The following SLC4A8 variants were observed in gnomAD, a reference collection of about 807,000 sequenced individuals.
SLC4A8 encodes the protein solute carrier family 4 member 8.
Under a neutral mutation model 125.0 loss-of-function variants are expected in SLC4A8, and 40 were observed. The ratio of observed to expected loss-of-function variants is 0.32; its 90% CI spans 0.25 to 0.42. The LOEUF is 0.42. Ranked by LOEUF, SLC4A8 falls within the 10% of genes least tolerant of loss-of-function variation. SLC4A8 has a pLI of 1.00. For synonymous variants in SLC4A8, 456 were observed against 476.0 expected (o/e 0.96, Z 0.55); for missense variants, 863 against 1,355.1 (o/e 0.64, Z 5.70).
intron 1 of SLC4A8, among the ~76,000 whole-genome samples, chr12:51,427,652 C>T (rs187980886): frequency 2.0e-4 from 30 of 152,252 alleles, no homozygotes; most frequent in African/African-American, 7.0e-4. Flanking sequence ...CCAATTAAAC[C>T]TTCTATGTGC....
In SLC4A8 at chr12:51,428,532, C is replaced by T. The variant is rs111317654; in HGVS notation, c.48+3497C>T. Among the ~76,000 whole-genome samples the T allele has an allele frequency of 8.7e-4, 132 of 152,290 alleles. 1 individual carries two copies. Among genetic ancestry groups the T allele is most frequent in the Non-Finnish European group, 1.1e-3 (74 of 68,028 alleles). On this transcript the variant is annotated intron_variant, in intron 1 of 24. Transcript: ENST00000453097. The stretch of plus-strand genomic sequence containing the variant: ...CCTCTATGTTGTGCCTTTGCTCAGG[C>T]GTTGAAGCTGGAAAATCTTTCCCCT...
intron 19 of SLC4A8, among the ~76,000 whole-genome samples, chr12:51,492,609 C>G (rs771542974): frequency 3.9e-5 from 6 of 152,182 alleles, no homozygotes; most frequent in African/African-American, 1.4e-4. Flanking sequence ...CAAACAACAT[C>G]GAATTGGAAT....
intron 1 of SLC4A8, among the ~76,000 whole-genome samples, chr12:51,426,544 G>GGCAA (rs1948987384): frequency 6.6e-6 from 1 of 152,162 alleles, no homozygotes; most frequent in Admixed American, 6.5e-5. Flanking sequence ...TTTTGCTAAG[G>GGCAA]AAGAAAATCT....
intron 19 of SLC4A8, among the ~76,000 whole-genome samples, chr12:51,490,458 G>A (rs999642995): frequency 3.3e-5 from 5 of 151,672 alleles, no homozygotes; most frequent in Non-Finnish European, 5.9e-5. Flanking sequence ...ACTCAGGCAG[G>A]AGGCTGAGGC....
intron 1 of SLC4A8, among the ~76,000 whole-genome samples, chr12:51,416,515 C>A (rs1283993685): frequency 6.6e-6 from 1 of 151,884 alleles, no homozygotes; most frequent in Non-Finnish European, 1.5e-5. Flanking sequence ...TGGTGGCGTA[C>A]GCTTGTAATT....
At chr12:51,399,809 C>CTAT (rs1393783211) in intron 1 of SLC4A8, among the ~76,000 whole-genome samples, 1 of 152,046 alleles carries the variant, frequency 6.6e-6, no homozygotes, top group Non-Finnish European at 1.5e-5. Context: ...TGGTGAAACG[C>CTAT]TGTCTCTACT....
intron 16 of SLC4A8, among the ~76,000 whole-genome samples, chr12:51,476,003 C>A (rs990612285): frequency 2.0e-5 from 3 of 152,190 alleles, no homozygotes; most frequent in Non-Finnish European, 4.4e-5. Context: ...TCTACAGTGA[C>A]CACAAAGTTT....
rs545638732 is a variant in SLC4A8, at chr12:51,415,370, G to T, written c.-112+23882G>T. On this transcript the variant is annotated intron_variant, in intron 1 of 24. Coordinates refer to the SLC4A8 transcript ENST00000358657. The stretch of plus-strand genomic sequence containing the variant: ...TTCAGCAGGAAAGCTATCCAGTTCT[G>T]GGTTTTTCTTTGTTGGGAGATATTT... Among the ~76,000 whole-genome samples, 111 of 152,194 alleles carry T rather than the reference G, an allele frequency of 7.3e-4. 1 individual carries two copies. Among genetic ancestry groups the T allele is most frequent in the African/African-American group, 2.6e-3 (108 of 41,520 alleles).
chr12:51,450,894 T>C lies in SLC4A8; in HGVS notation c.149T>C (p.Val50Ala). The stretch of plus-strand genomic sequence containing the variant: ...TTTCCAGGTCACAGAACTCTGTATG[T>C]GGGAGTTCGGATGCCGCTTGGCCGG... ...EELEGHRTLYVGVRMPLGRQS... is the reference protein window; with the variant it reads ...EELEGHRTLYAGVRMPLGRQS... Residue 50 changes from valine to alanine, a missense_variant, in exon 3 of 25, where the codon GTG (valine) becomes GCG (alanine). Coordinates refer to ENST00000453097, the MANE Select transcript of SLC4A8 (RefSeq NM_001039960.3). 2 of 1,613,404 alleles carry C rather than the reference T, an allele frequency of 1.2e-6. No homozygotes were observed. Among genetic ancestry groups the C allele is most frequent in the Non-Finnish European group, 8.5e-7 (1 of 1,179,660 alleles).
chr12:51,511,130 T>G lies in SLC4A8; in HGVS notation c.*3692T>G, dbSNP rs1938352948. The G allele has an allele frequency of 1.3e-5, 2 of 152,276 alleles. No individual in the cohort carries two copies. Among genetic ancestry groups the G allele is most frequent in the Admixed American group, 6.5e-5 (1 of 15,278 alleles). The allele number at this position is 152,276 out of a possible 1,614,324, so 9.4% of individuals were successfully genotyped here. ...TCTGAGCTTTCAGCAGATGCATCCTTGAGCTTACTTTCAGGAATTCCTCCT... is the reference window on the plus strand; with the variant it reads ...TCTGAGCTTTCAGCAGATGCATCCTGGAGCTTACTTTCAGGAATTCCTCCT... On this transcript the variant is annotated 3_prime_UTR_variant, in exon 25 of 25. Coordinates refer to ENST00000453097, the MANE Select transcript of SLC4A8 (RefSeq NM_001039960.3).
chr12:51,410,556 C>T (rs1455433260), intron 1 of SLC4A8, among the ~76,000 whole-genome samples: 1 of 151,882 alleles, frequency 6.6e-6, no homozygotes, highest in Non-Finnish European at 1.5e-5. Context: ...CTCCCTGGTT[C>T]AAGCAATTCT....
chr12:51,402,617 G>C (rs1948412903), intron 1 of SLC4A8, among the ~76,000 whole-genome samples: 1 of 152,136 alleles, frequency 6.6e-6, no homozygotes, highest in African/African-American at 2.4e-5. Flanking sequence ...AGCTACCTGG[G>C]AGACTGAGGC....
chr12:51,399,437 T>C (rs1948328317), intron 1 of SLC4A8, among the ~76,000 whole-genome samples: 1 of 152,014 alleles, frequency 6.6e-6, no homozygotes, highest in African/African-American at 2.4e-5. Flanking sequence ...ACCCTGATTT[T>C]GGCAAGTACT....
At chr12:51,460,406 AATC>A (rs1950290184) in intron 8 of SLC4A8, among the ~76,000 whole-genome samples, 1 of 152,108 alleles carries the variant, frequency 6.6e-6, no homozygotes, top group Non-Finnish European at 1.5e-5. Flanking sequence ...TTAAAAAAAA[AATC>A]AGCAGTAATC....
At chr12:51,491,099 G>A (rs894898720) in intron 19 of SLC4A8, among the ~76,000 whole-genome samples, 1 of 152,172 alleles carries the variant, frequency 6.6e-6, no homozygotes, top group Admixed American at 6.5e-5. Context: ...ATCTGGTGGA[G>A]TGTGATGGCA....
intron 17 of SLC4A8, among the ~76,000 whole-genome samples, chr12:51,486,292 G>A (rs1431992244): frequency 6.6e-6 from 1 of 152,086 alleles, no homozygotes. Flanking sequence ...CTGTATAAGG[G>A]CACTGGGAAG....
chr12:51,471,087 C>T (rs1299438416), intron 13 of SLC4A8, among the ~76,000 whole-genome samples, 200 bp from the exon 14 acceptor site: 4 of 151,798 alleles, frequency 2.6e-5, no homozygotes, highest in Admixed American at 6.6e-5. Context: ...TTTTAGTTTT[C>T]GTATCCTTGC....
chr12:51,462,148 T>C, intron 9 of SLC4A8, 162 bp from the exon 10 acceptor site: 1 of 639,978 alleles, frequency 1.6e-6, no homozygotes, highest in Non-Finnish European at 2.7e-6. Context: ...TTTTAAATCC[T>C]TTTATCCTTG....
At chr12:51,429,697 CAG>C (rs1949121588) in intron 1 of SLC4A8, among the ~76,000 whole-genome samples, 1 of 151,632 alleles carries the variant, frequency 6.6e-6, no homozygotes, top group South Asian at 2.1e-4. Flanking sequence ...TTTATAGAGA[CAG>C]AGTCTCACTA....
Sources: gnomAD v4.1 joint callset for allele counts (sites outside exome capture counted in the v4.1 genomes callset) on GRCh38, gnomAD v4.1.1 for gene constraint, MANE v1.5 for transcripts, NCBI Gene and HGNC (gene_info 2026-07-23, HGNC 2026-07-21) for gene names.